Variants in ANKRD45 observed in about 807,000 individuals in gnomAD.
ANKRD45 encodes ankyrin repeat domain-containing protein 45.
ANKRD45 carries 21 observed loss-of-function variants against 28.1 expected under a neutral mutation model. That is an observed-to-expected ratio of 0.75 (90% CI 0.53 to 1.08). The LOEUF (loss-of-function observed/expected upper bound fraction) is 1.08. Among genes scored for constraint, ANKRD45 ranks in the 50% least tolerant of loss-of-function variants. The pLI is 0.00. For missense variants in ANKRD45, 261 were observed against 308.7 expected, an observed-to-expected ratio of 0.85 and a Z score of 1.16; for synonymous variants, 86 against 103.9, an observed-to-expected ratio of 0.83 and a Z score of 1.05.
chr1:173,675,304 C>A, the ANKRD45 span: 1 of 333,090 alleles, frequency 3.0e-6, no homozygotes, highest in Admixed American at 4.0e-5. Context: ...ATTTTGCAGG[C>A]ATGTAGCCAA....
the ANKRD45 span, among the ~76,000 whole-genome samples, chr1:173,711,042 A>G: frequency 1.3e-5 from 2 of 152,154 alleles, no homozygotes; most frequent in African/African-American, 4.8e-5. Context: ...AATTCCACAA[A>G]CAATGGGCCC....
At chr1:173,611,587 A>G in intron 5 of ANKRD45, among the ~76,000 whole-genome samples, 1 of 111,302 alleles carries the variant, frequency 9.0e-6, no homozygotes, top group African/African-American at 3.8e-5. Context: ...ACACACACAC[A>G]CACACACACA....
At chr1:173,613,183 G>A (rs541950608) in intron 5 of ANKRD45, among the ~76,000 whole-genome samples, 245 of 151,700 alleles carry the variant, frequency 1.6e-3, no homozygotes, top group African/African-American at 5.6e-3. Context: ...CTGAGATGCG[G>A]GGAGCACCTC....
At chr1:173,688,256 G>A in the ANKRD45 span, among the ~76,000 whole-genome samples, 8 of 152,222 alleles carry the variant, frequency 5.3e-5, no homozygotes, top group South Asian at 1.7e-3. Flanking sequence ...GTTTTTAAAG[G>A]AATAGGGTAC....
At chr1:173,661,126 C>T (rs1313295249) in intron 1 of ANKRD45, among the ~76,000 whole-genome samples, 2 of 151,734 alleles carry the variant, frequency 1.3e-5, no homozygotes, top group African/African-American at 4.8e-5. Context: ...CAAGTAGATG[C>T]AGTAACACTA....
the ANKRD45 span, among the ~76,000 whole-genome samples, chr1:173,698,493 A>G: frequency 6.6e-6 from 1 of 152,212 alleles, no homozygotes; most frequent in Non-Finnish European, 1.5e-5. Context: ...AGCGCAATTA[A>G]ATTAGAATGC....
chr1:173,659,497 A>G, intron 1 of ANKRD45, 64 bp from the exon 2 acceptor site: 1 of 1,382,158 alleles, frequency 7.2e-7, no homozygotes, highest in Non-Finnish European at 9.7e-7. Context: ...TTGTTTATTT[A>G]TTTGCTCAGT....
chr1:173,672,949 C>G (rs1314644363), upstream of ANKRD45, among the ~76,000 whole-genome samples: 1 of 152,100 alleles, frequency 6.6e-6, no homozygotes, highest in African/African-American at 2.4e-5. Context: ...ACAGCTTAAG[C>G]AGCAAATGAT....
At chr1:173,678,602 A>G in the ANKRD45 span, among the ~76,000 whole-genome samples, 2 of 152,226 alleles carry the variant, frequency 1.3e-5, no homozygotes, top group African/African-American at 4.8e-5. Flanking sequence ...CCTACAGCCA[A>G]TATCATACTG....
chr1:173,657,091 T>G (rs886177743), intron 2 of ANKRD45, among the ~76,000 whole-genome samples: 2 of 150,446 alleles, frequency 1.3e-5, no homozygotes, highest in Non-Finnish European at 3.0e-5. Context: ...ATGATTTTTT[T>G]TACATCTTAG....
chr1:173,684,287 G>A, the ANKRD45 span, among the ~76,000 whole-genome samples: 15 of 152,154 alleles, frequency 9.9e-5, no homozygotes, highest in African/African-American at 3.6e-4. Context: ...AAGAAATTTA[G>A]AACTCATACC....
intron 1 of ANKRD45, among the ~76,000 whole-genome samples, 197 bp from the exon 2 acceptor site, chr1:173,659,630 A>G (rs892171824): frequency 1.3e-5 from 2 of 152,232 alleles, no homozygotes; most frequent in African/African-American, 2.4e-5. Flanking sequence ...TACATATAAC[A>G]TAGCTCAAGT....
chr1:173,646,541 C>T (rs1280152274), intron 3 of ANKRD45, among the ~76,000 whole-genome samples: 2 of 152,084 alleles, frequency 1.3e-5, no homozygotes, highest in Non-Finnish European at 2.9e-5. Context: ...AAAAAATGGC[C>T]TTGAACATAC....
chr1:173,648,612 A>T (rs1035808698), intron 2 of ANKRD45, among the ~76,000 whole-genome samples: 1 of 152,176 alleles, frequency 6.6e-6, no homozygotes, highest in Non-Finnish European at 1.5e-5. Flanking sequence ...TCCCCTCTCT[A>T]AATAAGGTTT....
At chr1:173,685,195 A>C in the ANKRD45 span, among the ~76,000 whole-genome samples, 1 of 152,214 alleles carries the variant, frequency 6.6e-6, no homozygotes, top group Non-Finnish European at 1.5e-5. Context: ...CTCGGGGATG[A>C]ACAAGGGCTG....
the ANKRD45 span, among the ~76,000 whole-genome samples, chr1:173,710,392 C>A: frequency 1.3e-5 from 2 of 152,180 alleles, no homozygotes; most frequent in Admixed American, 6.5e-5. Context: ...CAGGTCCAAG[C>A]AGGCAACTTG....
At chr1:173,611,375 A>G (rs1667141285) in intron 5 of ANKRD45, among the ~76,000 whole-genome samples, 1 of 152,162 alleles carries the variant, frequency 6.6e-6, no homozygotes, top group African/African-American at 2.4e-5. Context: ...GGAGAGTGCT[A>G]TGTGTGTGCT....
chr1:173,618,410 G>A (rs541754562), intron 5 of ANKRD45, among the ~76,000 whole-genome samples: 1 of 152,234 alleles, frequency 6.6e-6, no homozygotes, highest in Admixed American at 6.5e-5. Flanking sequence ...CAATACAGGA[G>A]CTGAAAACCA....
At chr1:173,701,168 A>G in the ANKRD45 span, among the ~76,000 whole-genome samples, 4 of 152,228 alleles carry the variant, frequency 2.6e-5, no homozygotes, top group Non-Finnish European at 2.9e-5. Flanking sequence ...GTCAGGAAAC[A>G]ACAGATGCTG....
Sources: allele counts gnomAD v4.1 joint callset (sites outside exome capture counted in the v4.1 genomes callset), GRCh38; gene constraint gnomAD v4.1.1; transcripts MANE v1.5; gene names NCBI Gene and HGNC (gene_info 2026-07-23, HGNC 2026-07-21).